OXR1: variants seen among roughly 807,000 people sequenced by gnomAD.
The protein encoded by OXR1 is oxidation resistance 1.
OXR1 carries 41 observed loss-of-function variants against 104.6 expected under a neutral mutation model. The ratio of observed to expected loss-of-function variants is 0.39; its 90% confidence interval spans 0.31 to 0.51. OXR1 has a LOEUF of 0.51. OXR1 is among the 20% of genes least tolerant of loss of function. The pLI is 0.77. For missense variants in OXR1, 955 were observed against 1,031.9 expected (o/e 0.93, Z 1.02); for synonymous variants, 348 against 348.4 (o/e 1.00, Z 0.01).
chr8:106,363,343 A>G lies in OXR1; in HGVS notation c.23+3707A>G, dbSNP rs528314560. 1.2e-3 allele frequency among the ~76,000 whole-genome samples: 181 copies of G among 152,286 alleles called. 1 individual carries two copies. The highest frequency in any genetic ancestry group is 4.1e-3 in the African/African-American group (172 of 41,574). On this transcript the variant is annotated intron_variant, in intron 2 of 16. Transcript: ENST00000517566. Reference sequence around the variant, plus strand: ...GAATGTGTTTGAAAACAAAAGGGATATTTGTTTTGCCTGCTTGGGATGAAA... The same window carrying G: ...GAATGTGTTTGAAAACAAAAGGGATGTTTGTTTTGCCTGCTTGGGATGAAA...
chr8:106,510,654 C>A (rs1368404584), intron 2 of OXR1, among the ~76,000 whole-genome samples: 2 of 152,048 alleles, frequency 1.3e-5, no homozygotes, highest in Admixed American at 6.6e-5. Flanking sequence ...ACTGGCCTAG[C>A]CCTTCACAGA....
chr8:106,504,002 A>G lies in OXR1; in HGVS notation c.24-14941A>G, dbSNP rs72680930. On this transcript the variant is annotated intron_variant, in intron 2 of 16. Transcript: ENST00000517566. ...AAGAACTCCTAAAATATCCCACCCA[A>G]CAAGAGAGAGTCAGCTTTAAACACC... Among the ~76,000 whole-genome samples the G allele has an allele frequency of 5.5e-3, 843 of 152,314 alleles. 3 individuals are homozygous for G. Among genetic ancestry groups the G allele is most frequent in the South Asian group, 0.024 (116 of 4,822 alleles).
intron 3 of OXR1, among the ~76,000 whole-genome samples, chr8:106,537,447 A>G (rs1264224182): frequency 1.3e-5 from 2 of 152,138 alleles, no homozygotes; most frequent in African/African-American, 4.8e-5. Context: ...GTAATTTAGG[A>G]AGAATAAAGC....
At chr8:106,474,030 C>T (rs1821668733) in intron 2 of OXR1, among the ~76,000 whole-genome samples, 3 of 144,764 alleles carry the variant, frequency 2.1e-5, no homozygotes, top group African/African-American at 5.0e-5. Context: ...CACACACACA[C>T]ACACACACAC....
chr8:106,398,790 A>G (rs1018944192), intron 2 of OXR1, among the ~76,000 whole-genome samples: 4 of 152,154 alleles, frequency 2.6e-5, no homozygotes, highest in African/African-American at 4.8e-5. Context: ...GTTTTCATTC[A>G]TCAGGGCCTA....
Position 106,739,453 on chromosome 8 carries a change from T to G in OXR1, c.2038-5T>G. 1 of 1,611,132 alleles carries G rather than the reference T, an allele frequency of 6.2e-7. No homozygotes were observed. Among genetic ancestry groups the G allele is most frequent in the South Asian group, 1.1e-5 (1 of 90,970 alleles). ...TTAATGCACTACCTCTATTTACTGT[T>G]TTAGATTACTACAAGGGAAGACATA... On this transcript the variant is annotated splice_polypyrimidine_tract_variant and splice_region_variant and intron_variant, in intron 12 of 16. Transcript: ENST00000517566.
intron 7 of OXR1, among the ~76,000 whole-genome samples, 179 bp downstream of exon 7, chr8:106,693,056 G>A (rs768882529): frequency 2.0e-5 from 3 of 152,126 alleles, no homozygotes; most frequent in Non-Finnish European, 4.4e-5. Flanking sequence ...TTAGAGTCTG[G>A]TGATCTGTTG....
chr8:106,331,590 A>C (rs1180274418), intron 1 of OXR1, among the ~76,000 whole-genome samples: 1 of 152,168 alleles, frequency 6.6e-6, no homozygotes, highest in African/African-American at 2.4e-5. Flanking sequence ...CCATTCTGAA[A>C]AACTTTTTAT....
intron 3 of OXR1, among the ~76,000 whole-genome samples, chr8:106,611,420 G>A (rs897225221): frequency 1.3e-5 from 2 of 152,182 alleles, no homozygotes; most frequent in South Asian, 2.1e-4. Flanking sequence ...AACTCTGTAC[G>A]CATTTCATTT....
At chr8:106,626,341 A>G (rs1372828297) in intron 3 of OXR1, among the ~76,000 whole-genome samples, 1 of 151,822 alleles carries the variant, frequency 6.6e-6, no homozygotes, top group African/African-American at 2.4e-5. Flanking sequence ...TTCTAAAAAA[A>G]AAAAGTCTTT....
chr8:106,371,363 A>AT (rs946343571), intron 2 of OXR1, among the ~76,000 whole-genome samples: 8 of 150,290 alleles, frequency 5.3e-5, no homozygotes, highest in Middle Eastern at 3.2e-3. Context: ...GGATTCATTG[A>AT]TTTTTTTGGA....
chr8:106,490,843 G>A (rs1234439392), intron 2 of OXR1, among the ~76,000 whole-genome samples: 5 of 152,236 alleles, frequency 3.3e-5, no homozygotes, highest in East Asian at 1.9e-4. Flanking sequence ...TGGATTTGGC[G>A]TGTTTAGCGT....
chr8:106,727,710 C>T (rs369258564), intron 11 of OXR1, among the ~76,000 whole-genome samples: 146 of 152,300 alleles, frequency 9.6e-4, no homozygotes, highest in African/African-American at 3.2e-3. Flanking sequence ...CAGGCCACTG[C>T]GCCCAGCCAA....
intron 1 of OXR1, among the ~76,000 whole-genome samples, chr8:106,345,393 C>T (rs1476704157): frequency 6.6e-6 from 1 of 152,208 alleles, no homozygotes; most frequent in Non-Finnish European, 1.5e-5. Flanking sequence ...ACATATATTC[C>T]TGCAATAAAG....
At position 106,409,925 on chromosome 8, in the gene OXR1, A is replaced by G. The variant is rs548819021; in HGVS notation, c.23+50289A>G. The stretch of plus-strand genomic sequence containing the variant: ...ATGACAAGGCCTAATGCCACTAAAT[A>G]TCAAAATGAAGACTTTTTTGATTTA... On this transcript the variant is annotated intron_variant, in intron 2 of 16. Coordinates refer to ENST00000517566, the MANE Select transcript of OXR1 (RefSeq NM_001198533.2). Among the ~76,000 whole-genome samples the G allele has an allele frequency of 1.6e-4, 24 of 152,282 alleles. No homozygotes were observed. In the South Asian group the frequency reaches 4.4e-3, roughly 28 times the overall value.
chr8:106,423,085 C>T lies in OXR1; in HGVS notation c.23+63449C>T, dbSNP rs572312694. Among the ~76,000 whole-genome samples the T allele has an allele frequency of 7.9e-5, 12 of 152,256 alleles. 1 individual carries two copies. In the South Asian group the frequency reaches 2.3e-3, roughly 29 times the overall value. On this transcript the variant is annotated intron_variant, in intron 2 of 16. Coordinates refer to ENST00000517566, the MANE Select transcript of OXR1 (RefSeq NM_001198533.2). ...GCCTTGGCTCTGACTGTGTTTTCAACTAAGTCACCTTCTCATTGTGATTTG... is the reference window on the plus strand; with the variant it reads ...GCCTTGGCTCTGACTGTGTTTTCAATTAAGTCACCTTCTCATTGTGATTTG...
At chr8:106,417,514 C>T (rs1818726520) in intron 2 of OXR1, among the ~76,000 whole-genome samples, 1 of 152,014 alleles carries the variant, frequency 6.6e-6, no homozygotes, top group Admixed American at 6.6e-5. Flanking sequence ...TAGAAAATGC[C>T]TAATAGTCTA....
At chr8:106,732,916 G>A (rs1001062769) in intron 11 of OXR1, among the ~76,000 whole-genome samples, 2 of 151,954 alleles carry the variant, frequency 1.3e-5, no homozygotes, top group South Asian at 2.1e-4. Context: ...TATTCCCTCC[G>A]CTTCTGTTTT....
intron 7 of OXR1, chr8:106,697,722 C>G: frequency 6.2e-7 from 1 of 1,614,050 alleles, no homozygotes; most frequent in South Asian, 1.1e-5. Flanking sequence ...CAGCTGCTTG[C>G]AGGAACTGAG....
Sources: gnomAD v4.1 joint callset for allele counts (sites outside exome capture counted in the v4.1 genomes callset) on GRCh38, gnomAD v4.1.1 for gene constraint, MANE v1.5 for transcripts, NCBI Gene and HGNC (gene_info 2026-07-23, HGNC 2026-07-21) for gene names.